Variants in ANKH observed in about 807,000 individuals in gnomAD.
ANKH encodes the protein mineralization regulator ANKH.
Under a neutral mutation model 49.0 loss-of-function variants are expected in ANKH, and 15 were observed. The observed-to-expected ratio is 0.31, with a 90% CI of 0.20 to 0.47. ANKH has a LOEUF of 0.47. Among genes scored for constraint, ANKH ranks in the 20% least tolerant of loss-of-function variants. The probability of loss-of-function intolerance (pLI) is 1.00; values close to 1 mark genes in which losing one functional copy is unlikely to be tolerated. For missense variants in ANKH, 429 were observed against 652.0 expected, an observed-to-expected ratio of 0.66 and a Z score of 3.72; for synonymous variants, 273 against 260.0, an observed-to-expected ratio of 1.05 and a Z score of -0.48.
chr5:14,776,059 G>T (rs563034936), intron 1 of ANKH, among the ~76,000 whole-genome samples: 1 of 152,202 alleles, frequency 6.6e-6, no homozygotes, highest in African/African-American at 2.4e-5. Flanking sequence ...GGGTCCCAAC[G>T]CCTGGCTCAT....
At chr5:14,739,687 G>C (rs1738294291) in intron 8 of ANKH, among the ~76,000 whole-genome samples, 1 of 152,230 alleles carries the variant, frequency 6.6e-6, no homozygotes, top group African/African-American at 2.4e-5. Flanking sequence ...CAGAGCACAG[G>C]GCCCTGGAGA....
intron 1 of ANKH, among the ~76,000 whole-genome samples, chr5:14,821,627 G>C (rs1454085009): frequency 1.3e-5 from 2 of 152,180 alleles, no homozygotes; most frequent in Non-Finnish European, 2.9e-5. Context: ...CATTCACTAA[G>C]CACAACTTCC....
intron 8 of ANKH, among the ~76,000 whole-genome samples, chr5:14,731,009 C>T (rs188940226): frequency 3.1e-4 from 47 of 152,284 alleles, no homozygotes; most frequent in South Asian, 4.1e-4. Flanking sequence ...ACGGGGCCCT[C>T]GAGGCCAAGG....
intron 4 of ANKH, among the ~76,000 whole-genome samples, chr5:14,752,882 G>A (rs947279330): frequency 1.5e-4 from 23 of 152,142 alleles, no homozygotes; most frequent in African/African-American, 5.6e-4. Context: ...AAAAGACAGT[G>A]AGTAGAAGCC....
At position 14,870,790 on chromosome 5, in the gene ANKH, A is replaced by AG. The variant is rs1446296522; in HGVS notation, c.96+561_96+562insC. 349 of 156,388 alleles carry AG rather than the reference A, an allele frequency of 2.2e-3. 1 individual carries two copies. The highest frequency in any genetic ancestry group is 4.7e-3 in the African/African-American group (193 of 41,422). 9.7% of individuals were successfully genotyped at this position (156,388 alleles called of 1,614,324 possible). ...AAAAAAGAAAGAAAGAAAGAAAGAA[A>AG]AAAAAAGAAAAGGAAAAGGAAAAAA... On this transcript the variant is annotated intron_variant, in intron 1 of 11. Transcript: ENST00000284268.
chr5:14,763,715 T>C (rs940730203), intron 2 of ANKH, among the ~76,000 whole-genome samples: 1 of 152,226 alleles, frequency 6.6e-6, no homozygotes, highest in Non-Finnish European at 1.5e-5. Context: ...CTAGAGAACA[T>C]TTCTTATTCA....
chr5:14,862,222 G>A (rs563762463), intron 1 of ANKH, among the ~76,000 whole-genome samples: 1 of 152,178 alleles, frequency 6.6e-6, no homozygotes, highest in African/African-American at 2.4e-5. Flanking sequence ...GGCAACAAGA[G>A]CGAAACTGTC....
At chr5:14,751,796 G>C (rs1395126025) in intron 4 of ANKH, among the ~76,000 whole-genome samples, 4 of 152,178 alleles carry the variant, frequency 2.6e-5, no homozygotes, top group African/African-American at 9.7e-5. Flanking sequence ...GGTGCTTGGT[G>C]ATTACTTGCT....
intron 1 of ANKH, among the ~76,000 whole-genome samples, chr5:14,837,931 C>T (rs1294029151): frequency 2.0e-5 from 3 of 152,066 alleles, no homozygotes; most frequent in African/African-American, 7.2e-5. Context: ...TACTATGCAG[C>T]CATAAAAAAT....
At chr5:14,829,405 CAA>C in intron 1 of ANKH, among the ~76,000 whole-genome samples, 1 of 152,244 alleles carries the variant, frequency 6.6e-6, no homozygotes, top group Admixed American at 6.5e-5. Flanking sequence ...ATCAAACAAT[CAA>C]AAGCTGAATG....
chr5:14,781,975 A>T (rs1580063011), intron 1 of ANKH, among the ~76,000 whole-genome samples: 1 of 152,138 alleles, frequency 6.6e-6, no homozygotes, highest in East Asian at 1.9e-4. Context: ...GGAGTCTTTT[A>T]ACCAACTCTC....
Position 14,797,730 on chromosome 5 carries a change from G to A in ANKH, c.97-28539C>T. 6.8e-6 allele frequency: 11 copies of A among 1,609,056 alleles called. No homozygotes were observed. In the South Asian group the frequency reaches 9.9e-5, roughly 14 times the overall value. On this transcript the variant is annotated intron_variant, in intron 1 of 11. Coordinates refer to ENST00000284268, the MANE Select transcript of ANKH (RefSeq NM_054027.6). ...ATCTTCTACTATTGCCGTATGCCCT[G>A]TAAAGATGGTCTTCGCATCTACCAC...
chr5:14,742,444 TC>T (rs1441351044), intron 7 of ANKH, among the ~76,000 whole-genome samples: 1 of 152,194 alleles, frequency 6.6e-6, no homozygotes, highest in Non-Finnish European at 1.5e-5. Flanking sequence ...AGATGGGACT[TC>T]CTGCTCTTCC....
At chr5:14,850,808 C>T (rs1190482835) in intron 1 of ANKH, among the ~76,000 whole-genome samples, 3 of 152,030 alleles carry the variant, frequency 2.0e-5, no homozygotes, top group Non-Finnish European at 4.4e-5. Context: ...TGCTGAAAGG[C>T]AGAGAAACTG....
intron 2 of ANKH, 163 bp downstream of exon 2, chr5:14,768,812 A>C: frequency 1.3e-6 from 1 of 756,264 alleles, no homozygotes. Flanking sequence ...TTATTGTCTT[A>C]AGCTAGGAGC....
rs189881991 is a variant in ANKH at position 14,783,083 on chromosome 5, G to A, written c.97-13892C>T. Among the ~76,000 whole-genome samples the A allele has an allele frequency of 7.7e-4, 118 of 152,280 alleles. 1 individual carries two copies. The highest frequency in any genetic ancestry group is 7.7e-3 in the Admixed American group (118 of 15,292). On this transcript the variant is annotated intron_variant, in intron 1 of 11. Transcript: ENST00000284268. ...TATTTATGTAACTGGCACGCATCAA[G>A]TTTTGTGAATGAGTTCTAAGGGTCT...
chr5:14,797,540 G>A, intron 1 of ANKH: 3 of 1,611,114 alleles, frequency 1.9e-6, no homozygotes, highest in Non-Finnish European at 2.5e-6. Context: ...TGGCAAGAAT[G>A]AACTCACTAT....
At chr5:14,801,989 CATTGCTG>C (rs1740578602) in intron 1 of ANKH, among the ~76,000 whole-genome samples, 1 of 152,174 alleles carries the variant, frequency 6.6e-6, no homozygotes, top group Non-Finnish European at 1.5e-5. Flanking sequence ...TCCTACTGTG[CATTGCTG>C]GCAGCTGTTT....
At chr5:14,761,502 A>G (rs1739077666) in intron 2 of ANKH, among the ~76,000 whole-genome samples, 1 of 152,162 alleles carries the variant, frequency 6.6e-6, no homozygotes, top group African/African-American at 2.4e-5. Flanking sequence ...AAAGAAACTC[A>G]TCTGAGTAAG....
Sources: gnomAD v4.1 joint callset for allele counts (sites outside exome capture counted in the v4.1 genomes callset) on GRCh38, gnomAD v4.1.1 for gene constraint, MANE v1.5 for transcripts, NCBI Gene and HGNC (gene_info 2026-07-23, HGNC 2026-07-21) for gene names.